HDAC9: variants seen among roughly 807,000 people sequenced by gnomAD.
HDAC9 encodes the protein MEF-2 interacting transcription repressor (MITR) protein.
A neutral mutation model predicts 139.4 loss-of-function variants in HDAC9; 41 were observed. That is an observed-to-expected ratio of 0.29 (90% CI 0.23 to 0.38). The LOEUF is 0.38. Among genes scored for constraint, HDAC9 ranks in the 10% least tolerant of loss-of-function variants. The pLI is 1.00. For synonymous variants in HDAC9, 517 were observed against 476.2 expected, an observed-to-expected ratio of 1.09 and a Z score of -1.12; for missense variants, 1,147 against 1,297.0, an observed-to-expected ratio of 0.88 and a Z score of 1.78.
At position 18,767,103 on chromosome 7, in the gene HDAC9, T is replaced by C; in HGVS notation, c.2165-3T>C. The C allele has an allele frequency of 6.6e-7, 1 of 1,518,000 alleles. No individual in the cohort carries two copies. Among genetic ancestry groups the C allele is most frequent in the Non-Finnish European group, 9.0e-7 (1 of 1,112,628 alleles). The allele number at this position is 1,518,000 out of a possible 1,614,324, so 94.0% of individuals were successfully genotyped here. On this transcript the variant is annotated splice_region_variant and splice_polypyrimidine_tract_variant and intron_variant, in intron 15 of 25. Coordinates refer to ENST00000686413, the MANE Select transcript of HDAC9 (RefSeq NM_178425.4). ...ATATTTTTTATGTCTTCTTACTGTA[T>C]AGGTGATGACTCTCAAAAGTTTTTT... is the stretch of plus-strand genomic sequence containing the variant.
At chr7:18,808,213 G>C (rs1793883420) in intron 17 of HDAC9, 1 of 152,170 alleles carries the variant, frequency 6.6e-6, no homozygotes. Flanking sequence ...CATAGCCAGT[G>C]ATCTGCCAAA....
chr7:18,670,599 T>C (rs1053987399), intron 12 of HDAC9, among the ~76,000 whole-genome samples: 2 of 152,072 alleles, frequency 1.3e-5, no homozygotes, highest in African/African-American at 4.8e-5. Flanking sequence ...ACTGTAGAGA[T>C]GAGAGCACTG....
rs577896030 is a variant in HDAC9 at position 18,452,516 on chromosome 7, G to A, written c.-41-43746G>A. 8.5e-5 allele frequency among the ~76,000 whole-genome samples: 13 copies of A among 152,166 alleles called. No individual in the cohort carries two copies. In the East Asian group the frequency reaches 9.7e-4, roughly 11 times the overall value. Reference sequence around the variant, plus strand: ...GCATAGAGAAAGAGAAAGAACATGTGAACAGTCTTATAAGATGCAGACTTA... The same window carrying A: ...GCATAGAGAAAGAGAAAGAACATGTAAACAGTCTTATAAGATGCAGACTTA... On this transcript the variant is annotated intron_variant, in intron 1 of 3. Transcript: ENST00000413509.
intron 1 of HDAC9, among the ~76,000 whole-genome samples, chr7:18,338,897 G>A (rs1781785558): frequency 6.6e-6 from 1 of 151,398 alleles, no homozygotes; most frequent in Non-Finnish European, 1.5e-5. Flanking sequence ...TGGGCCTAGA[G>A]CTTTTCCTGT....
At chr7:18,525,898 G>C (rs1277911342) in intron 2 of HDAC9, among the ~76,000 whole-genome samples, 2 of 152,094 alleles carry the variant, frequency 1.3e-5, no homozygotes, top group Non-Finnish European at 1.5e-5. Flanking sequence ...TGGCTTACTT[G>C]ACTCTTAAGT....
At chr7:18,109,076 T>C (rs1438532756) in intron 1 of HDAC9, among the ~76,000 whole-genome samples, 1 of 152,200 alleles carries the variant, frequency 6.6e-6, no homozygotes, top group Non-Finnish European at 1.5e-5. Flanking sequence ...TTTTAGCCAG[T>C]TGGCAGTGAA....
intron 2 of HDAC9, among the ~76,000 whole-genome samples, chr7:18,275,905 A>G (rs1487723992): frequency 6.6e-6 from 1 of 152,168 alleles, no homozygotes; most frequent in Non-Finnish European, 1.5e-5. Flanking sequence ...GCTTCCCATG[A>G]TAAAACATAA....
At chr7:18,795,336 CAT>C (rs1465423716) in intron 17 of HDAC9, among the ~76,000 whole-genome samples, 1 of 148,106 alleles carries the variant, frequency 6.8e-6, no homozygotes, top group Non-Finnish European at 1.5e-5. Context: ...CCACCACTTG[CAT>C]AGTGTGTCAT....
chr7:18,459,132 C>T (rs186682133), intron 1 of HDAC9, among the ~76,000 whole-genome samples: 5 of 152,170 alleles, frequency 3.3e-5, no homozygotes, highest in Admixed American at 3.3e-4. Flanking sequence ...AAACTCAGAT[C>T]GATTAGACAT....
intron 22 of HDAC9, among the ~76,000 whole-genome samples, chr7:18,919,659 A>T (rs1803513292): frequency 6.6e-6 from 1 of 152,026 alleles, no homozygotes; most frequent in Non-Finnish European, 1.5e-5. Context: ...GAAGCAAAAG[A>T]CCAGGATGAA....
At chr7:18,284,020 C>A (rs1797273931) in intron 2 of HDAC9, among the ~76,000 whole-genome samples, 1 of 152,166 alleles carries the variant, frequency 6.6e-6, no homozygotes, top group African/African-American at 2.4e-5. Flanking sequence ...TGCCTCATGT[C>A]ACTTGTACAA....
chr7:18,320,280 TG>T (rs1799937457), intron 1 of HDAC9, among the ~76,000 whole-genome samples: 1 of 152,238 alleles, frequency 6.6e-6, no homozygotes, highest in Non-Finnish European at 1.5e-5. Flanking sequence ...ACTCTGTGGT[TG>T]ATTTCTCATT....
chr7:18,459,134 A>G (rs1488334091), intron 1 of HDAC9, among the ~76,000 whole-genome samples: 1 of 152,242 alleles, frequency 6.6e-6, no homozygotes, highest in African/African-American at 2.4e-5. Context: ...ACTCAGATCG[A>G]TTAGACATAT....
intron 1 of HDAC9, among the ~76,000 whole-genome samples, chr7:18,149,631 G>C (rs528851397): frequency 2.6e-5 from 4 of 151,766 alleles, no homozygotes; most frequent in African/African-American, 9.7e-5. Flanking sequence ...GCTCACTGCA[G>C]GCTTCGCCTC....
chr7:18,889,710 G>A (rs1203889553), intron 22 of HDAC9, among the ~76,000 whole-genome samples: 1 of 152,082 alleles, frequency 6.6e-6, no homozygotes, highest in East Asian at 1.9e-4. Context: ...TCTTTGTTTT[G>A]TCGTTGAGAT....
At chr7:18,426,410 C>A (rs1790119691) in intron 1 of HDAC9, among the ~76,000 whole-genome samples, 1 of 152,156 alleles carries the variant, frequency 6.6e-6, no homozygotes, top group African/African-American at 2.4e-5. Context: ...CATACAATAA[C>A]AATGATACTT....
intron 22 of HDAC9, among the ~76,000 whole-genome samples, chr7:18,915,285 A>T (rs963506392): frequency 6.6e-6 from 1 of 152,054 alleles, no homozygotes; most frequent in Non-Finnish European, 1.5e-5. Flanking sequence ...TTTTGTCTTT[A>T]TGCCAAGAGA....
At chr7:18,799,845 A>G (rs2129183093) in intron 17 of HDAC9, among the ~76,000 whole-genome samples, 1 of 152,342 alleles carries the variant, frequency 6.6e-6, no homozygotes, top group Middle Eastern at 3.4e-3. Context: ...GGAAGAAAGA[A>G]TATTTGAAGA....
intron 2 of HDAC9, among the ~76,000 whole-genome samples, chr7:18,245,257 C>T (rs1389491728): frequency 6.6e-6 from 1 of 152,206 alleles, no homozygotes; most frequent in African/African-American, 2.4e-5. Flanking sequence ...AGGCTGCCAG[C>T]AGGCATCCCC....
Sources: allele counts gnomAD v4.1 joint callset (sites outside exome capture counted in the v4.1 genomes callset), GRCh38; gene constraint gnomAD v4.1.1; transcripts MANE v1.5; gene names NCBI Gene and HGNC (gene_info 2026-07-23, HGNC 2026-07-21).